GATAD1: variants seen among roughly 807,000 people sequenced by gnomAD.
GATAD1 encodes the protein GATA zinc finger domain containing 1.
A neutral mutation model predicts 26.5 loss-of-function variants in GATAD1; 12 were observed. The ratio of observed to expected loss-of-function variants is 0.45; its 90% CI spans 0.29 to 0.73. The LOEUF is 0.73. GATAD1 is among the 30% of genes least tolerant of loss of function. The pLI is 0.10. For synonymous variants in GATAD1, 129 were observed against 133.1 expected (o/e 0.97, Z 0.21); for missense variants, 266 against 342.1 (o/e 0.78, Z 1.75).
Position 92,451,227 on chromosome 7 carries a change from C to T in GATAD1, c.435+467C>T, listed in dbSNP as rs1440837645. 2.0e-5 allele frequency among the ~76,000 whole-genome samples: 3 copies of T among 152,114 alleles called. No homozygotes were observed. In the East Asian group the frequency reaches 5.8e-4, roughly 29 times the overall value. The stretch of plus-strand genomic sequence containing the variant: ...GAGTAAGGGCAGTAGTGAGGATTAA[C>T]ACCTACTAGAAATTCATAGTGAGAG... On this transcript the variant is annotated intron_variant, in intron 3 of 4. Coordinates refer to ENST00000287957, the MANE Select transcript of GATAD1 (RefSeq NM_021167.5).
At chr7:92,449,243 C>A in intron 2 of GATAD1, 2 of 824,582 alleles carry the variant, frequency 2.4e-6, no homozygotes, top group Non-Finnish European at 2.9e-6. Flanking sequence ...TTTTTTCATT[C>A]TTTAAAAATC....
chr7:92,464,316 T>C (rs1009136078), downstream of GATAD1, among the ~76,000 whole-genome samples: 3 of 152,152 alleles, frequency 2.0e-5, no homozygotes, highest in Admixed American at 6.5e-5. Flanking sequence ...TAATTGAAAA[T>C]ACGGATTTGA....
At chr7:92,454,371 A>C (rs969433320) in intron 3 of GATAD1, 131 bp from the exon 4 acceptor site, 1 of 704,842 alleles carries the variant, frequency 1.4e-6, no homozygotes, top group African/African-American at 1.8e-5. Context: ...ACATATAAAC[A>C]CTGATACATT....
the GATAD1 span, chr7:92,468,855 TCGTGGGCTAGC>T: frequency 2.6e-6 from 2 of 764,454 alleles, no homozygotes; most frequent in Admixed American, 3.4e-5. Context: ...TAACATCAGA[TCGTGGGCTAGC>T]AGGCCGGTCC....
downstream of GATAD1, among the ~76,000 whole-genome samples, chr7:92,460,239 G>A (rs144141189): frequency 3.0e-3 from 459 of 152,274 alleles, 5 homozygotes; most frequent in African/African-American, 0.011. Context: ...CATTGCACAC[G>A]CTTAGAATGA....
chr7:92,458,206 A>C lies in GATAD1; in HGVS notation c.*1644A>C, dbSNP rs367677614. The C allele has an allele frequency of 2.0e-5, 3 of 152,210 alleles. No individual in the cohort carries two copies. The South Asian group carries it at 6.2e-4, about 32-fold the overall frequency. The allele number at this position is 152,210 out of a possible 1,614,324, so 9.4% of individuals were successfully genotyped here. ...ACAGGCATTCAGAACCATTCCATTG[A>C]TCTTAATAAAGCTGCTCTTTACTGT... On this transcript the variant is annotated 3_prime_UTR_variant, in exon 5 of 5. Coordinates refer to ENST00000287957, the MANE Select transcript of GATAD1 (RefSeq NM_021167.5).
chr7:92,461,791 GA>G (rs1238741162), downstream of GATAD1, among the ~76,000 whole-genome samples: 1 of 152,200 alleles, frequency 6.6e-6, no homozygotes, highest in East Asian at 1.9e-4. Context: ...GTCCGTGACA[GA>G]AAGACGCAAG....
downstream of GATAD1, among the ~76,000 whole-genome samples, chr7:92,463,692 G>A (rs898031601): frequency 5.3e-5 from 8 of 150,836 alleles, no homozygotes; most frequent in African/African-American, 2.0e-4. Flanking sequence ...TTGATACCTG[G>A]GTGCGGTGGC....
chr7:92,451,466 G>A (rs1285813257), intron 3 of GATAD1, among the ~76,000 whole-genome samples: 1 of 152,202 alleles, frequency 6.6e-6, no homozygotes, highest in Non-Finnish European at 1.5e-5. Context: ...TTCGGGATCT[G>A]AACTGTCATT....
the GATAD1 span, among the ~76,000 whole-genome samples, chr7:92,485,294 C>T: frequency 1.6e-4 from 25 of 152,056 alleles, no homozygotes; most frequent in African/African-American, 5.1e-4. Flanking sequence ...TCTAAATCAG[C>T]GTGAGACCAA....
rs778306005 is a variant in GATAD1 at position 92,456,497 on chromosome 7, A to C, written c.745A>C (p.Ile249Leu). ...TCCCACCAGACCAGAGAAGGGCTAC[A>C]TATGGACTCATGTTGGGCCTACTCC... ...TVPTRPEKGYIWTHVGPTPAI... is the reference protein window; with the variant it reads ...TVPTRPEKGYLWTHVGPTPAI... Residue 249 changes from isoleucine (I) to leucine (L), a missense_variant, in exon 5 of 5, where the codon ATA becomes CTA. Ile to Leu is a conservative substitution (Grantham distance 5). Transcript: ENST00000287957. The C allele has an allele frequency of 7.4e-6, 12 of 1,613,128 alleles. No homozygotes were observed. The East Asian group carries it at 2.5e-4, about 33-fold the overall frequency.
chr7:92,483,208 T>C, the GATAD1 span, among the ~76,000 whole-genome samples: 25 of 152,330 alleles, frequency 1.6e-4, no homozygotes, highest in African/African-American at 5.1e-4. Flanking sequence ...AATCCTGGGC[T>C]GCAGGCATTC....
downstream of GATAD1, among the ~76,000 whole-genome samples, chr7:92,463,521 G>A (rs554900873): frequency 8.2e-4 from 125 of 152,046 alleles, no homozygotes; most frequent in Non-Finnish European, 1.4e-3. Context: ...AAAATTAGCC[G>A]GGCATGGTGG....
At chr7:92,467,462 T>G in the GATAD1 span, among the ~76,000 whole-genome samples, 2 of 152,246 alleles carry the variant, frequency 1.3e-5, no homozygotes, top group Non-Finnish European at 2.9e-5. Flanking sequence ...AAATTCATAT[T>G]TATCTTTACA....
chr7:92,493,129 C>T, the GATAD1 span: 690 of 1,556,554 alleles, frequency 4.4e-4, 6 homozygotes, highest in South Asian at 2.9e-3. Context: ...AGACGTGACA[C>T]CTGAAAGGAG....
the GATAD1 span, among the ~76,000 whole-genome samples, chr7:92,488,232 CAT>C: frequency 5.3e-5 from 8 of 152,136 alleles, no homozygotes; most frequent in African/African-American, 1.9e-4. Context: ...AATAGGAAAA[CAT>C]ATATAAGCAT....
chr7:92,487,597 A>T, the GATAD1 span: 14 of 768,048 alleles, frequency 1.8e-5, no homozygotes, highest in Non-Finnish European at 3.1e-5. Context: ...ACAAAACAAA[A>T]GATAATGGAT....
intron 3 of GATAD1, among the ~76,000 whole-genome samples, chr7:92,452,110 A>T (rs1789460996): frequency 1.3e-5 from 2 of 152,260 alleles, no homozygotes; most frequent in African/African-American, 2.4e-5. Context: ...GAGTTATCAC[A>T]TCTTCGTATT....
At chr7:92,455,952 T>C (rs945129780) in intron 4 of GATAD1, among the ~76,000 whole-genome samples, 1 of 152,198 alleles carries the variant, frequency 6.6e-6, no homozygotes, top group Admixed American at 6.5e-5. Context: ...AGAACACCAG[T>C]TCTGGAGCCA....
Sources: gnomAD v4.1 joint callset for allele counts (sites outside exome capture counted in the v4.1 genomes callset) on GRCh38, gnomAD v4.1.1 for gene constraint, MANE v1.5 for transcripts, NCBI Gene and HGNC (gene_info 2026-07-23, HGNC 2026-07-21) for gene names.